ABCA1: variants seen among roughly 807,000 people sequenced by gnomAD.
The protein encoded by ABCA1 is ATP binding cassette subfamily A member 1.
A neutral mutation model predicts 262.5 loss-of-function variants in ABCA1; 133 were observed. The observed-to-expected ratio is 0.51, with a 90% confidence interval of 0.44 to 0.59. The LOEUF (loss-of-function observed/expected upper bound fraction) is 0.59. ABCA1 is among the 20% of genes least tolerant of loss of function. The probability of loss-of-function intolerance (pLI) is 0.00; values close to 1 mark genes in which losing one functional copy is unlikely to be tolerated. For synonymous variants in ABCA1, 1,022 were observed against 1,043.5 expected, an observed-to-expected ratio of 0.98 and a Z score of 0.40; for missense variants, 2,452 against 2,777.5, an observed-to-expected ratio of 0.88 and a Z score of 2.63.
At chr9:104,809,600 C>T in intron 29 of ABCA1, 36 bp from the exon 30 acceptor site, 1 of 1,541,544 alleles carries the variant, frequency 6.5e-7, no homozygotes, top group South Asian at 1.1e-5. Flanking sequence ...CTTAGTAATT[C>T]ATTAAAACCA....
Position 104,822,501 on chromosome 9 carries a change from G to A in ABCA1, c.2823C>T (p.Thr941=). The change falls in exon 19 of 50, where the codon ACC becomes ACT. Residue 941 remains threonine (T), a synonymous_variant. Coordinates refer to ENST00000374736, the MANE Select transcript of ABCA1 (RefSeq NM_005502.4). The stretch of plus-strand genomic sequence containing the variant: ...GAACCACACCCTCTTCTTACATGGT[G>A]GTCGTCTTCCCCGCTCCATTGTGGC... ...FLGHNGAGKT[T]TMSILTGLFP... The A allele has an allele frequency of 6.2e-7, 1 of 1,613,332 alleles. No individual in the cohort carries two copies. The highest frequency in any genetic ancestry group is 8.5e-7 in the Non-Finnish European group (1 of 1,179,936).
chr9:104,815,488 G>A (rs1172343757), intron 25 of ABCA1, among the ~76,000 whole-genome samples: 1 of 152,190 alleles, frequency 6.6e-6, no homozygotes, highest in East Asian at 1.9e-4. Context: ...CATGGATAAA[G>A]AGAGGATGGA....
At chr9:104,830,077 G>A (rs77477349) in intron 14 of ABCA1, among the ~76,000 whole-genome samples, 2,814 of 151,848 alleles carry the variant, frequency 0.019, 85 homozygotes, top group African/African-American at 0.065. Flanking sequence ...CTACACCTCC[G>A]CCCATTGTCT....
chr9:104,830,217 T>C (rs1179968974), intron 14 of ABCA1, among the ~76,000 whole-genome samples: 2 of 152,242 alleles, frequency 1.3e-5, no homozygotes, highest in African/African-American at 4.8e-5. Context: ...TTGGGTTGTT[T>C]TGAAATGTGG....
At chr9:104,819,209 C>T (rs1373084624) in intron 22 of ABCA1, among the ~76,000 whole-genome samples, 1 of 152,192 alleles carries the variant, frequency 6.6e-6, no homozygotes, top group Non-Finnish European at 1.5e-5. Flanking sequence ...GAAGGTGAGG[C>T]AAGTTGTGAC....
At chr9:104,898,695 G>T (rs1840422773) in intron 2 of ABCA1, among the ~76,000 whole-genome samples, 1 of 152,058 alleles carries the variant, frequency 6.6e-6, no homozygotes. Context: ...CACTCCACCA[G>T]TGCCACTGGC....
rs764527472 is a variant in ABCA1 at position 104,822,624 on chromosome 9, G to A, written c.2700C>T (p.Ser900=). ...GGTAGACTTTTACCAGGTTCTGAAT[G>A]GACACGCCCAGCTTCAAGTGGGTGG... ...EEPTHLKLGV[S]IQNLVKVYRD... The change falls in exon 19 of 50, where the codon TCC becomes TCT. Residue 900 remains serine (S), a synonymous_variant. Coordinates refer to ENST00000374736, the MANE Select transcript of ABCA1 (RefSeq NM_005502.4). 6.2e-7 allele frequency: 1 copy of A among 1,614,090 alleles called. No homozygotes were observed. Among genetic ancestry groups the A allele is most frequent in the South Asian group, 1.1e-5 (1 of 91,068 alleles).
In ABCA1 at chr9:104,827,199, T is replaced by C. The variant is rs1386612485; in HGVS notation, c.2116-30A>G. The C allele has an allele frequency of 2.5e-6, 4 of 1,574,182 alleles. No homozygotes were observed. In the South Asian group the frequency reaches 3.3e-5, roughly 13 times the overall value. ...GAAGGAAGAGACACATCAAATGTGC[T>C]GCCTCAACAATCCCAAGCACTCACT... is the stretch of plus-strand genomic sequence containing the variant. On this transcript the variant is annotated intron_variant, in intron 15 of 49. Coordinates refer to ENST00000374736, the MANE Select transcript of ABCA1 (RefSeq NM_005502.4).
intron 5 of ABCA1, among the ~76,000 whole-genome samples, chr9:104,878,780 T>A (rs1838367135): frequency 6.6e-6 from 1 of 152,202 alleles, no homozygotes; most frequent in African/African-American, 2.4e-5. Context: ...GGAAATAAAA[T>A]GATGCTCTAG....
At chr9:104,869,970 C>T (rs1258190075) in intron 5 of ABCA1, among the ~76,000 whole-genome samples, 1 of 152,176 alleles carries the variant, frequency 6.6e-6, no homozygotes, top group Non-Finnish European at 1.5e-5. Context: ...TGCTGACTCA[C>T]ACATACTCCT....
Position 104,840,359 on chromosome 9 carries a change from T to A in ABCA1, c.974A>T (p.Tyr325Phe). Residue 325 changes from tyrosine (Y) to phenylalanine (F), a missense_variant, in exon 9 of 50, where the codon TAT becomes TTT. Tyr to Phe is a conservative substitution (Grantham distance 22). Coordinates refer to ENST00000374736, the MANE Select transcript of ABCA1 (RefSeq NM_005502.4). ...GGLKIKSLNW[Y>F]EDNNYKALFG... ...GAGGGCTTTGTAGTTGTTGTCCTCA[T>A]ACCAGTTGAGAGACTTGATCTTCAG... 1.2e-6 allele frequency: 2 copies of A among 1,614,216 alleles called. No individual in the cohort carries two copies. Among genetic ancestry groups the A allele is most frequent in the Non-Finnish European group, 1.7e-6 (2 of 1,180,036 alleles).
chr9:104,825,926 T>C, intron 16 of ABCA1, 39 bp from the exon 17 acceptor site: 3 of 1,605,510 alleles, frequency 1.9e-6, no homozygotes, highest in Non-Finnish European at 2.6e-6. Context: ...CATTTCCTGG[T>C]CAGTCTCATT....
chr9:104,818,486 G>A (rs1462657910), intron 23 of ABCA1, among the ~76,000 whole-genome samples, 177 bp downstream of exon 23: 1 of 152,186 alleles, frequency 6.6e-6, no homozygotes, highest in East Asian at 1.9e-4. Context: ...CACAATGGGA[G>A]CAGAGGGCCC....
At chr9:104,831,873 C>G (rs542766048) in intron 12 of ABCA1, 46 bp from the exon 13 acceptor site, 1 of 1,567,914 alleles carries the variant, frequency 6.4e-7, no homozygotes, top group South Asian at 1.1e-5. Flanking sequence ...GCCAGGACAA[C>G]AAGCAGTGGC....
In ABCA1 at chr9:104,810,930, C is replaced by T; in HGVS notation, c.4051-6G>A. ...AACACAGCTGGCAAGACAATCTTTA[C>T]CCAGGCAGTGGAGGGGGCAGGGGGA... On this transcript the variant is annotated splice_region_variant and splice_polypyrimidine_tract_variant and intron_variant, in intron 28 of 49. Transcript: ENST00000374736. 1 of 1,614,124 alleles carries T rather than the reference C, an allele frequency of 6.2e-7. No homozygotes were observed. The highest frequency in any genetic ancestry group is 8.5e-7 in the Non-Finnish European group (1 of 1,180,030).
intron 1 of ABCA1, among the ~76,000 whole-genome samples, chr9:104,923,392 A>C (rs1009772568): frequency 4.6e-5 from 7 of 152,238 alleles, no homozygotes; most frequent in African/African-American, 1.7e-4. Context: ...CCAAGTAAAA[A>C]ATTGAGTTGA....
intron 25 of ABCA1, among the ~76,000 whole-genome samples, chr9:104,815,111 T>C (rs910578390): frequency 6.6e-6 from 1 of 152,318 alleles, no homozygotes; most frequent in Admixed American, 6.5e-5. Flanking sequence ...TGGCTCTAAA[T>C]CTTTGAGTAG....
chr9:104,863,115 G>T (rs1588442784), intron 5 of ABCA1, among the ~76,000 whole-genome samples: 1 of 152,092 alleles, frequency 6.6e-6, no homozygotes, highest in Admixed American at 6.5e-5. Flanking sequence ...GCAGCACTAA[G>T]AATCCAGAAT....
At chr9:104,865,433 T>C (rs1277543024) in intron 5 of ABCA1, among the ~76,000 whole-genome samples, 1 of 150,718 alleles carries the variant, frequency 6.6e-6, no homozygotes, top group Non-Finnish European at 1.5e-5. Context: ...GGAGGATCAC[T>C]TGAACGTGGG....
Sources: gnomAD v4.1 joint callset for allele counts (sites outside exome capture counted in the v4.1 genomes callset) on GRCh38, gnomAD v4.1.1 for gene constraint, MANE v1.5 for transcripts, NCBI Gene and HGNC (gene_info 2026-07-23, HGNC 2026-07-21) for gene names.